Variants in SGCZ observed in about 807,000 individuals in gnomAD.
The protein encoded by SGCZ is zeta-sarcoglycan.
A neutral mutation model predicts 41.3 loss-of-function variants in SGCZ; 40 were observed. The ratio of observed to expected loss-of-function variants is 0.97; its 90% CI spans 0.75 to 1.26. The LOEUF (loss-of-function observed/expected upper bound fraction) is 1.26. Among genes scored for constraint, SGCZ ranks in the 50% most tolerant of loss-of-function variants. The probability of loss-of-function intolerance (pLI) is 0.00; values close to 1 mark genes in which losing one functional copy is unlikely to be tolerated. For missense variants in SGCZ, 552 were observed against 369.8 expected, an observed-to-expected ratio of 1.49 and a Z score of -4.04; for synonymous variants, 206 against 137.5, an observed-to-expected ratio of 1.50 and a Z score of -3.49.
intron 1 of SGCZ, among the ~76,000 whole-genome samples, chr8:15,137,167 T>C (rs530936207): frequency 2.0e-5 from 3 of 152,266 alleles, no homozygotes; most frequent in East Asian, 1.9e-4. Flanking sequence ...TGACTCTTAC[T>C]ATGTTTTAGC....
chr8:14,471,790 T>A (rs927505384), intron 2 of SGCZ, among the ~76,000 whole-genome samples: 1 of 152,048 alleles, frequency 6.6e-6, no homozygotes, highest in East Asian at 1.9e-4. Context: ...AAACATGAAA[T>A]ACATATCTGC....
intron 4 of SGCZ, among the ~76,000 whole-genome samples, chr8:14,178,019 A>ATGAT (rs974476595): frequency 1.6e-5 from 2 of 121,818 alleles, no homozygotes; most frequent in African/African-American, 6.4e-5. Context: ...GTGCAGTGGC[A>ATGAT]TGATCCCGGC....
intron 1 of SGCZ, among the ~76,000 whole-genome samples, chr8:15,007,005 C>T (rs1802628330): frequency 6.6e-6 from 1 of 151,944 alleles, no homozygotes; most frequent in South Asian, 2.1e-4. Flanking sequence ...TTGAAAATAA[C>T]AAAAGGAAAG....
intron 2 of SGCZ, among the ~76,000 whole-genome samples, chr8:14,407,326 G>A (rs563141460): frequency 1.1e-4 from 16 of 152,036 alleles, no homozygotes; most frequent in Admixed American, 2.0e-4. Context: ...TTTCTTAACT[G>A]TATGCCACAG....
At chr8:15,097,657 G>C (rs2131074128) in intron 1 of SGCZ, among the ~76,000 whole-genome samples, 1 of 150,934 alleles carries the variant, frequency 6.6e-6, no homozygotes, top group East Asian at 2.0e-4. Flanking sequence ...TGAGGCGAGA[G>C]AATCTCCTGA....
intron 1 of SGCZ, among the ~76,000 whole-genome samples, chr8:14,873,306 T>C (rs761353553): frequency 8.5e-5 from 13 of 152,154 alleles, no homozygotes; most frequent in African/African-American, 2.4e-5. Context: ...ATTGCATGTG[T>C]TGGTATGCCC....
chr8:14,768,562 A>G (rs77368190), intron 1 of SGCZ, among the ~76,000 whole-genome samples: 10,285 of 152,254 alleles, frequency 0.068, 758 homozygotes, highest in African/African-American at 0.18. Flanking sequence ...AATAACTGAA[A>G]GTTAAAATTA....
Position 14,529,402 on chromosome 8 carries a change from G to A in SGCZ, c.234+25330C>T, listed in dbSNP as rs571861585. Among the ~76,000 whole-genome samples the A allele has an allele frequency of 1.3e-4, 20 of 152,222 alleles. 1 individual carries two copies. In the South Asian group the frequency reaches 2.1e-3, roughly 16 times the overall value. On this transcript the variant is annotated intron_variant, in intron 2 of 7. Transcript: ENST00000382080. ...TAAAGACTGCCAGGGGCTGGCATGC[G>A]TGATCAGCATGAAAGCAAATGTGCC...
At chr8:14,592,736 C>T (rs376789712) in intron 1 of SGCZ, among the ~76,000 whole-genome samples, 1 of 152,074 alleles carries the variant, frequency 6.6e-6, no homozygotes, top group Admixed American at 6.6e-5. Context: ...TAACATCTAA[C>T]TAAATTTTAC....
chr8:14,935,657 GA>G (rs946320198), intron 1 of SGCZ, among the ~76,000 whole-genome samples: 1 of 151,476 alleles, frequency 6.6e-6, no homozygotes, highest in Admixed American at 6.6e-5. Flanking sequence ...AGTAAATGGG[GA>G]AAATAAAATA....
intron 1 of SGCZ, among the ~76,000 whole-genome samples, chr8:15,094,726 G>A (rs890617308): frequency 4.6e-5 from 7 of 152,070 alleles, no homozygotes; most frequent in Non-Finnish European, 1.0e-4. Context: ...GAAGATAATT[G>A]AATCATGGGG....
chr8:15,221,371 G>A (rs536633492), intron 1 of SGCZ, among the ~76,000 whole-genome samples: 69 of 152,162 alleles, frequency 4.5e-4, no homozygotes, highest in Non-Finnish European at 6.0e-4. Flanking sequence ...TGAATAGCAC[G>A]GGATCCTAGA....
intron 4 of SGCZ, among the ~76,000 whole-genome samples, chr8:14,187,437 A>C (rs1003134708): frequency 1.3e-5 from 2 of 152,214 alleles, no homozygotes; most frequent in Non-Finnish European, 2.9e-5. Context: ...AAATATGTTC[A>C]AATAATTGAA....
intron 1 of SGCZ, among the ~76,000 whole-genome samples, chr8:14,653,424 A>G (rs1807465124): frequency 1.3e-5 from 2 of 152,130 alleles, no homozygotes; most frequent in African/African-American, 4.8e-5. Context: ...TAGCCCATAT[A>G]TTTTGTAGTT....
intron 1 of SGCZ, among the ~76,000 whole-genome samples, chr8:14,876,581 G>C (rs207468970): frequency 6.6e-6 from 1 of 152,160 alleles, no homozygotes; most frequent in Non-Finnish European, 1.5e-5. Flanking sequence ...AAATTTGATG[G>C]TGTATGAAAT....
At chr8:15,086,679 C>CT (rs962386748) in intron 1 of SGCZ, among the ~76,000 whole-genome samples, 2 of 151,858 alleles carry the variant, frequency 1.3e-5, no homozygotes, top group African/African-American at 2.4e-5. Flanking sequence ...AATAATTCTG[C>CT]TTTTTTTTAA....
intron 1 of SGCZ, among the ~76,000 whole-genome samples, chr8:14,654,798 G>T (rs1004726988): frequency 5.3e-5 from 8 of 151,524 alleles, no homozygotes; most frequent in Admixed American, 4.0e-4. Flanking sequence ...ACATGTAAAG[G>T]TCTCATAATT....
At chr8:14,474,693 T>A (rs1048991024) in intron 2 of SGCZ, among the ~76,000 whole-genome samples, 2 of 152,206 alleles carry the variant, frequency 1.3e-5, no homozygotes, top group African/African-American at 4.8e-5. Context: ...CAAACAACTT[T>A]GAAACCATAC....
chr8:14,342,734 G>A (rs150693677), intron 2 of SGCZ, among the ~76,000 whole-genome samples: 138 of 152,314 alleles, frequency 9.1e-4, no homozygotes, highest in African/African-American at 3.3e-3. Flanking sequence ...GGCTGATTAT[G>A]TGATAGAAAA....
Sources: allele counts gnomAD v4.1 joint callset (sites outside exome capture counted in the v4.1 genomes callset), GRCh38; gene constraint gnomAD v4.1.1; transcripts MANE v1.5; gene names NCBI Gene and HGNC (gene_info 2026-07-23, HGNC 2026-07-21).